Variants in THUMPD2 observed in about 807,000 individuals in gnomAD.
THUMPD2 encodes the protein U6 snRNA (guanine-N(2))-methyltransferase THUMPD2.
In THUMPD2, 56 loss-of-function variants were observed where a neutral mutation model predicts 49.4. The ratio of observed to expected loss-of-function variants is 1.13; its 90% CI spans 0.91 to 1.41. THUMPD2 has a LOEUF of 1.41. Ranked by LOEUF, THUMPD2 falls within the 40% of genes most tolerant of loss-of-function variation. THUMPD2 has a pLI of 0.00. For synonymous variants in THUMPD2, 237 were observed against 205.2 expected, an observed-to-expected ratio of 1.15 and a Z score of -1.32; for missense variants, 709 against 594.5, an observed-to-expected ratio of 1.19 and a Z score of -2.00.
At chr2:39,757,750 GAT>G (rs1676328985) in intron 6 of THUMPD2, among the ~76,000 whole-genome samples, 1 of 152,190 alleles carries the variant, frequency 6.6e-6, no homozygotes, top group African/African-American at 2.4e-5. Context: ...TCCTTGTTAT[GAT>G]ATGTAGGAAG....
At chr2:39,772,239 G>A (rs530343767) in intron 1 of THUMPD2, among the ~76,000 whole-genome samples, 1 of 152,180 alleles carries the variant, frequency 6.6e-6, no homozygotes, top group Non-Finnish European at 1.5e-5. Flanking sequence ...AGCAACATTT[G>A]CTTTATTATG....
chr2:39,775,840 T>C (rs1679021354), intron 1 of THUMPD2, among the ~76,000 whole-genome samples: 1 of 150,656 alleles, frequency 6.6e-6, no homozygotes, highest in Middle Eastern at 3.2e-3. Context: ...CCTTATGCAA[T>C]TATTCCATTA....
intron 8 of THUMPD2, among the ~76,000 whole-genome samples, chr2:39,747,796 T>A (rs544738950): frequency 6.6e-6 from 1 of 152,174 alleles, no homozygotes; most frequent in African/African-American, 2.4e-5. Flanking sequence ...AGTCCCTCCA[T>A]TGACAGTGCC....
At chr2:39,749,620 A>G (rs866203151) in intron 8 of THUMPD2, among the ~76,000 whole-genome samples, 12 of 152,214 alleles carry the variant, frequency 7.9e-5, no homozygotes, top group Non-Finnish European at 1.6e-4. Flanking sequence ...TCAACTTTTA[A>G]GTTCCAGGGT....
At position 39,755,912 on chromosome 2, in the gene THUMPD2, A is replaced by G. The variant is rs375127437; in HGVS notation, c.940T>C (p.Leu314=). ...DPMCGLGTIL[L]EAAKEWPDVY... ...ACTGGCCATTCTTTAGCAGCTTCCA[A>G]AAGTATTGTTCCAAGTCCACACATT... The change falls in exon 7 of 10, where the codon TTG becomes CTG. Residue 314 remains leucine (L), a synonymous_variant. Coordinates refer to ENST00000505747, the MANE Select transcript of THUMPD2 (RefSeq NM_025264.5). The G allele has an allele frequency of 2.5e-6, 4 of 1,613,814 alleles. No individual in the cohort carries two copies. The highest frequency in any genetic ancestry group is 1.3e-5 in the African/African-American group (1 of 74,916).
At chr2:39,748,481 T>A (rs958618566) in intron 8 of THUMPD2, among the ~76,000 whole-genome samples, 2 of 152,054 alleles carry the variant, frequency 1.3e-5, no homozygotes, top group African/African-American at 4.8e-5. Context: ...GGCAGGTGGA[T>A]CATGAGGTCA....
At chr2:39,764,105 A>G (rs746893657) in intron 5 of THUMPD2, among the ~76,000 whole-genome samples, 5 of 152,174 alleles carry the variant, frequency 3.3e-5, no homozygotes, top group Admixed American at 6.5e-5. Context: ...CTTAGGGACA[A>G]TCCTTTATCT....
intron 8 of THUMPD2, among the ~76,000 whole-genome samples, chr2:39,753,353 C>G (rs536970888): frequency 6.6e-6 from 1 of 152,284 alleles, no homozygotes; most frequent in Non-Finnish European, 1.5e-5. Context: ...GATTTTTACT[C>G]TCTTACATCA....
Position 39,741,385 on chromosome 2 carries a change from G to A in THUMPD2, c.1187+2985C>T, listed in dbSNP as rs573526447. ...CTCAAGAAATACTTAATAAACATCT[G>A]TACATATAAACATGATGTGGTCTCC... On this transcript the variant is annotated intron_variant, in intron 9 of 9. Coordinates refer to ENST00000505747, the MANE Select transcript of THUMPD2 (RefSeq NM_025264.5). Among the ~76,000 whole-genome samples, 7 of 152,278 alleles carry A rather than the reference G, an allele frequency of 4.6e-5. No homozygotes were observed. In the East Asian group the frequency reaches 1.2e-3, roughly 25 times the overall value.
intron 8 of THUMPD2, among the ~76,000 whole-genome samples, chr2:39,753,115 T>C (rs1349678021): frequency 1.3e-5 from 2 of 152,234 alleles, no homozygotes; most frequent in Non-Finnish European, 2.9e-5. Flanking sequence ...AAAAAACCCC[T>C]GCTTGATCCC....
rs187118462 is a variant in THUMPD2, at chr2:39,747,102, T to A, written c.1079-2624A>T. Among the ~76,000 whole-genome samples, 551 of 152,338 alleles carry A rather than the reference T, an allele frequency of 3.6e-3. 3 individuals are homozygous for A. The highest frequency in any genetic ancestry group is 0.012 in the African/African-American group (505 of 41,578). ...AGTGTGAAATGTTGTCGGAACTTTT[T>A]CATATTTCAAAATGTTTGTCCTTAA... is the stretch of plus-strand genomic sequence containing the variant. On this transcript the variant is annotated intron_variant, in intron 8 of 9. Transcript: ENST00000505747.
chr2:39,762,230 G>T (rs2148297252), intron 5 of THUMPD2, among the ~76,000 whole-genome samples: 1 of 152,270 alleles, frequency 6.6e-6, no homozygotes, highest in South Asian at 2.1e-4. Flanking sequence ...TTGTCTTGGG[G>T]TTGGCTTCTT....
At chr2:39,759,916 C>A (rs1049591149) in intron 6 of THUMPD2, among the ~76,000 whole-genome samples, 1 of 152,128 alleles carries the variant, frequency 6.6e-6, no homozygotes, top group South Asian at 2.1e-4. Flanking sequence ...CAAGACTTTA[C>A]CCAAGCAATA....
intron 6 of THUMPD2, among the ~76,000 whole-genome samples, chr2:39,759,679 T>C (rs1426100076): frequency 6.6e-6 from 1 of 152,074 alleles, no homozygotes; most frequent in East Asian, 1.9e-4. Flanking sequence ...AAAGTAGTTA[T>C]AAAGGAAAAG....
chr2:39,766,970 A>G (rs921677047), intron 4 of THUMPD2, among the ~76,000 whole-genome samples: 1 of 152,146 alleles, frequency 6.6e-6, no homozygotes, highest in African/African-American at 2.4e-5. Context: ...TCTATTGACA[A>G]TTTATTCTAA....
intron 2 of THUMPD2, among the ~76,000 whole-genome samples, chr2:39,771,094 A>G (rs1193458950): frequency 6.6e-6 from 1 of 152,116 alleles, no homozygotes; most frequent in Non-Finnish European, 1.5e-5. Context: ...AATTTTTACT[A>G]TGCAGTATTT....
chr2:39,767,472 C>T (rs1193183051), intron 4 of THUMPD2, among the ~76,000 whole-genome samples: 3 of 149,512 alleles, frequency 2.0e-5, no homozygotes, highest in East Asian at 3.9e-4. Flanking sequence ...GGCGTAGTGG[C>T]GGGCGCCTGT....
chr2:39,738,690 T>C (rs1336715761), intron 9 of THUMPD2, among the ~76,000 whole-genome samples: 1 of 148,068 alleles, frequency 6.8e-6, no homozygotes, highest in Non-Finnish European at 1.5e-5. Flanking sequence ...CATATATACA[T>C]ATATAAATTA....
At position 39,772,866 on chromosome 2, in the gene THUMPD2, T is replaced by C. The variant is rs75439670; in HGVS notation, c.127-1226A>G. Among the ~76,000 whole-genome samples the C allele has an allele frequency of 4.5e-3, 681 of 152,318 alleles. 5 individuals are homozygous for C. Among genetic ancestry groups the C allele is most frequent in the African/African-American group, 0.016 (649 of 41,572 alleles). On this transcript the variant is annotated intron_variant, in intron 1 of 9. Coordinates refer to ENST00000505747, the MANE Select transcript of THUMPD2 (RefSeq NM_025264.5). Reference sequence around the variant, plus strand: ...AGGGTTTATGCTTGTTTTGGATCTGTCAAGATCTAATTAAGCTCTTGGAAT... The same window carrying C: ...AGGGTTTATGCTTGTTTTGGATCTGCCAAGATCTAATTAAGCTCTTGGAAT...
Sources: allele counts gnomAD v4.1 joint callset (sites outside exome capture counted in the v4.1 genomes callset), GRCh38; gene constraint gnomAD v4.1.1; transcripts MANE v1.5; gene names NCBI Gene and HGNC (gene_info 2026-07-23, HGNC 2026-07-21).